Variants in SOX5 observed in about 807,000 individuals in gnomAD.
SOX5 encodes transcription factor SOX-5.
A neutral mutation model predicts 92.0 loss-of-function variants in SOX5; 9 were observed. The observed-to-expected ratio is 0.10, with a 90% CI of 0.06 to 0.17. SOX5 has a LOEUF of 0.17. SOX5 is among the 10% of genes least tolerant of loss of function. The pLI is 1.00. For missense variants in SOX5, 642 were observed against 944.5 expected (o/e 0.68, Z 4.20); for synonymous variants, 344 against 336.3 (o/e 1.02, Z -0.25).
At chr12:24,030,438 T>C (rs536377460) in intron 4 of SOX5, among the ~76,000 whole-genome samples, 5 of 151,944 alleles carry the variant, frequency 3.3e-5, no homozygotes, top group African/African-American at 9.6e-5. Context: ...AAATATATAA[T>C]GAGGAACAGA....
chr12:23,603,741 T>C (rs1318482794), intron 9 of SOX5, among the ~76,000 whole-genome samples: 1 of 152,104 alleles, frequency 6.6e-6, no homozygotes, highest in Non-Finnish European at 1.5e-5. Flanking sequence ...TCTAATGTTT[T>C]CTTAGCTTAA....
intron 2 of SOX5, among the ~76,000 whole-genome samples, chr12:24,280,316 G>C (rs1945012393): frequency 6.6e-6 from 1 of 152,118 alleles, no homozygotes; most frequent in South Asian, 2.1e-4. Context: ...CCGTGAAATT[G>C]CGTTAAGAAA....
intron 1 of SOX5, among the ~76,000 whole-genome samples, chr12:23,906,382 G>A (rs2097293494): frequency 1.3e-5 from 2 of 152,216 alleles, no homozygotes; most frequent in African/African-American, 4.8e-5. Flanking sequence ...CTTTCTGACA[G>A]CTCTAAGTCC....
intron 8 of SOX5, among the ~76,000 whole-genome samples, chr12:23,630,447 A>T (rs935357950): frequency 7.2e-5 from 11 of 151,938 alleles, no homozygotes; most frequent in African/African-American, 2.7e-4. Flanking sequence ...AAAATAAGAC[A>T]TTTTGTCTCA....
intron 11 of SOX5, among the ~76,000 whole-genome samples, chr12:23,556,891 CT>C (rs1428771645): frequency 1.3e-5 from 2 of 152,220 alleles, no homozygotes; most frequent in Non-Finnish European, 2.9e-5. Flanking sequence ...AGAGTTAACA[CT>C]GCTGGCCCCA....
chr12:24,506,859 C>T (rs1004888508), intron 1 of SOX5, among the ~76,000 whole-genome samples: 3 of 130,152 alleles, frequency 2.3e-5, no homozygotes, highest in Non-Finnish European at 3.1e-5. Flanking sequence ...GGCGCGATCT[C>T]GGCTCACTGT....
intron 10 of SOX5, among the ~76,000 whole-genome samples, chr12:23,571,550 G>A (rs1338301309): frequency 6.6e-6 from 1 of 152,110 alleles, no homozygotes; most frequent in African/African-American, 2.4e-5. Context: ...TGAGTAAAAT[G>A]ATAAATGGCC....
intron 1 of SOX5, among the ~76,000 whole-genome samples, chr12:23,911,721 C>T (rs2097353699): frequency 6.6e-6 from 1 of 152,046 alleles, no homozygotes; most frequent in African/African-American, 2.4e-5. Context: ...GAATGACTCC[C>T]ACTAATTATG....
At chr12:23,664,982 T>G (rs1274819877) in intron 7 of SOX5, among the ~76,000 whole-genome samples, 1 of 152,128 alleles carries the variant, frequency 6.6e-6, no homozygotes. Flanking sequence ...ATACTGATGA[T>G]GCGAGTCCAG....
rs973341314 is a variant in SOX5 at position 24,106,839 on chromosome 12, T to TAATAATAAA, written c.-2+106503_-2+106504insTTTATTATT. On this transcript the variant is annotated intron_variant, in intron 4 of 4. Coordinates refer to the SOX5 transcript ENST00000446891. ...ATAATAATAATAATAATAATAATAATAAATAGAAGCATATTAGAACTCATT... is the reference window on the plus strand; with the variant it reads ...ATAATAATAATAATAATAATAATAATAATAATAAAAAATAGAAGCATATTAGAACTCATT... Among the ~76,000 whole-genome samples, 30 of 136,514 alleles carry TAATAATAAA rather than the reference T, an allele frequency of 2.2e-4. 1 individual carries two copies. In the South Asian group the frequency reaches 5.4e-3, roughly 24 times the overall value. 89.6% of individuals were successfully genotyped at this position (136,514 alleles called of 152,430 possible). A position where few individuals can be genotyped will look rare whatever the true frequency, so the allele number is the denominator to read the frequency against.
intron 1 of SOX5, among the ~76,000 whole-genome samples, chr12:24,546,495 C>G (rs937860067): frequency 6.6e-6 from 1 of 152,184 alleles, no homozygotes; most frequent in East Asian, 1.9e-4. Flanking sequence ...ACTCTACGCT[C>G]TACCTATACC....
chr12:23,909,165 G>A (rs1035787959), intron 1 of SOX5, among the ~76,000 whole-genome samples: 2 of 152,166 alleles, frequency 1.3e-5, no homozygotes, highest in East Asian at 3.9e-4. Flanking sequence ...ATTTCAAACA[G>A]GGCTAACAGT....
In SOX5 at chr12:24,342,846, G is replaced by A. The variant is rs564881276; in HGVS notation, c.-174+25717C>T. 1.3e-3 allele frequency among the ~76,000 whole-genome samples: 198 copies of A among 152,204 alleles called. 1 individual carries two copies. Among genetic ancestry groups the A allele is most frequent in the Middle Eastern group, 3.2e-3 (1 of 316 alleles). ...CCCAGGAGCATTTAGAATAAAGGGCGAAATGGTAAATAGAAAACCTTTTTT... is the reference window on the plus strand; with the variant it reads ...CCCAGGAGCATTTAGAATAAAGGGCAAAATGGTAAATAGAAAACCTTTTTT... On this transcript the variant is annotated intron_variant, in intron 2 of 4. Transcript: ENST00000446891.
chr12:24,024,599 A>T (rs1426643227), intron 4 of SOX5, among the ~76,000 whole-genome samples: 1 of 152,066 alleles, frequency 6.6e-6, no homozygotes, highest in Non-Finnish European at 1.5e-5. Context: ...AGTTGAGCTG[A>T]CTAAAACTGA....
At chr12:23,626,123 AAACG>A (rs929956661) in intron 8 of SOX5, among the ~76,000 whole-genome samples, 8 of 152,242 alleles carry the variant, frequency 5.3e-5, no homozygotes, top group South Asian at 2.1e-4. Flanking sequence ...AGAGACAGAG[AAACG>A]GAGAGAGATA....
rs114574295 is a variant in SOX5 at position 23,858,174 on chromosome 12, C to T, written c.271-11981G>A. Among the ~76,000 whole-genome samples the T allele has an allele frequency of 5.3e-3, 809 of 151,712 alleles. 10 individuals carry two copies. The highest frequency in any genetic ancestry group is 0.018 in the African/African-American group (760 of 41,322). On this transcript the variant is annotated intron_variant, in intron 2 of 14. Coordinates refer to ENST00000451604, the MANE Select transcript of SOX5 (RefSeq NM_006940.6). ...ATGTATGTTACTTTCCTATGAGAAG[C>T]GCTAAAAAATAATAATAATAAATCA...
intron 4 of SOX5, among the ~76,000 whole-genome samples, chr12:24,185,035 TAAAG>T (rs1030308358): frequency 1.3e-5 from 2 of 152,030 alleles, no homozygotes; most frequent in Non-Finnish European, 2.9e-5. Context: ...AGATAATGAA[TAAAG>T]AAAGACAACA....
At chr12:24,498,692 T>C (rs1393074356) in intron 1 of SOX5, among the ~76,000 whole-genome samples, 1 of 152,170 alleles carries the variant, frequency 6.6e-6, no homozygotes, top group Non-Finnish European at 1.5e-5. Context: ...ATACATATGA[T>C]TATCATAAAT....
At chr12:23,774,417 G>A (rs935655338) in intron 3 of SOX5, among the ~76,000 whole-genome samples, 1 of 151,946 alleles carries the variant, frequency 6.6e-6, no homozygotes, top group Non-Finnish European at 1.5e-5. Context: ...TTCAAATTTC[G>A]GAATGATATA....
Sources: allele counts gnomAD v4.1 joint callset (sites outside exome capture counted in the v4.1 genomes callset), GRCh38; gene constraint gnomAD v4.1.1; transcripts MANE v1.5; gene names NCBI Gene and HGNC (gene_info 2026-07-23, HGNC 2026-07-21).